The following PRKD1 variants were observed in gnomAD, a reference collection of about 807,000 sequenced individuals.
PRKD1 encodes protein kinase D1.
Under a neutral mutation model 95.9 loss-of-function variants are expected in PRKD1, and 63 were observed. The ratio of observed to expected loss-of-function variants is 0.66; its 90% confidence interval spans 0.54 to 0.81. The LOEUF (loss-of-function observed/expected upper bound fraction) is 0.81, where lower values mean the gene tolerates loss of function less well. Ranked by LOEUF, PRKD1 falls within the 30% of genes least tolerant of loss-of-function variation. The pLI, the probability that PRKD1 is intolerant of heterozygous loss-of-function variation, is 0.00. For missense variants in PRKD1, 1,048 were observed against 1,165.3 expected (o/e 0.90, Z 1.47); for synonymous variants, 425 against 423.1 (o/e 1.00, Z -0.05).
At chr14:29,763,289 A>T (rs7161700) in intron 1 of PRKD1, among the ~76,000 whole-genome samples, 24,785 of 145,794 alleles carry the variant, frequency 0.17, 2,286 homozygotes, top group South Asian at 0.22. Flanking sequence ...AGAGCAAGAT[A>T]CTGTCTCAAA....
In PRKD1 at chr14:29,790,718, T is replaced by C. The variant is rs192296000; in HGVS notation, c.265-65044A>G. On this transcript the variant is annotated intron_variant, in intron 1 of 17. Coordinates refer to ENST00000331968, the MANE Select transcript of PRKD1 (RefSeq NM_002742.3). The stretch of plus-strand genomic sequence containing the variant: ...GCCTTTCTTGCCCATACCATAAAAC[T>C]ATTAGATTATGACGATATTTTATTC... Among the ~76,000 whole-genome samples the C allele has an allele frequency of 2.0e-5, 3 of 152,324 alleles. No homozygotes were observed. In the East Asian group the frequency reaches 5.8e-4, roughly 29 times the overall value.
intron 1 of PRKD1, among the ~76,000 whole-genome samples, chr14:29,837,731 T>C (rs1368168450): frequency 6.6e-6 from 1 of 152,184 alleles, no homozygotes; most frequent in East Asian, 1.9e-4. Context: ...ATGTGAGTAA[T>C]CATAACTAAA....
chr14:29,784,110 A>G (rs1336453059), intron 1 of PRKD1, among the ~76,000 whole-genome samples: 3 of 152,158 alleles, frequency 2.0e-5, no homozygotes, highest in Admixed American at 2.0e-4. Context: ...CAGGTCTTAT[A>G]TTTAAGTCTT....
chr14:29,758,620 C>T (rs1484770588), intron 1 of PRKD1, among the ~76,000 whole-genome samples: 1 of 152,172 alleles, frequency 6.6e-6, no homozygotes, highest in Non-Finnish European at 1.5e-5. Flanking sequence ...GTCAATTCTT[C>T]AATTGAGCTC....
chr14:29,918,007 G>C (rs553947386), intron 1 of PRKD1, among the ~76,000 whole-genome samples: 2 of 151,818 alleles, frequency 1.3e-5, no homozygotes, highest in Admixed American at 6.6e-5. Flanking sequence ...GTCATGGGGG[G>C]GCTGTACAGA....
chr14:29,804,284 A>C (rs1202093807), intron 1 of PRKD1, among the ~76,000 whole-genome samples: 1 of 152,088 alleles, frequency 6.6e-6, no homozygotes, highest in Non-Finnish European at 1.5e-5. Context: ...CAATCTAACA[A>C]CATTGTTATA....
rs75553265 is a variant in PRKD1 at position 29,629,030 on chromosome 14, T to C, written c.1725+11A>G. On this transcript the variant is annotated intron_variant, in intron 11 of 17. Coordinates refer to ENST00000331968, the MANE Select transcript of PRKD1 (RefSeq NM_002742.3). ...CATTAGCAAGTTTTATATTAGTAGG[T>C]ACATACTTACCACATTTTCTTGAAT... The C allele has an allele frequency of 1.6e-5, 25 of 1,580,894 alleles. No individual in the cohort carries two copies. The highest frequency in any genetic ancestry group is 2.1e-5 in the Non-Finnish European group (24 of 1,153,606).
At chr14:29,625,042 A>G (rs1049334292) in intron 12 of PRKD1, among the ~76,000 whole-genome samples, 1 of 152,196 alleles carries the variant, frequency 6.6e-6, no homozygotes, top group Non-Finnish European at 1.5e-5. Context: ...CTAATTACTC[A>G]AACTTTTTGG....
At chr14:29,599,592 G>A in intron 14 of PRKD1, 64 bp downstream of exon 14, 2 of 1,479,910 alleles carry the variant, frequency 1.4e-6, no homozygotes, top group Non-Finnish European at 1.8e-6. Flanking sequence ...GAAAGCTGTA[G>A]TTAAACAGTG....
At chr14:29,784,242 T>C (rs1889171630) in intron 1 of PRKD1, among the ~76,000 whole-genome samples, 1 of 151,556 alleles carries the variant, frequency 6.6e-6, no homozygotes, top group Non-Finnish European at 1.5e-5. Context: ...TTCCCCAGTA[T>C]ATGCTCTTGG....
At chr14:29,625,029 G>A (rs1335908011) in intron 12 of PRKD1, among the ~76,000 whole-genome samples, 1 of 152,074 alleles carries the variant, frequency 6.6e-6, no homozygotes, top group African/African-American at 2.4e-5. Flanking sequence ...ATGGAAAATG[G>A]ATCTAATTAC....
chr14:29,855,974 G>C (rs137946722), intron 1 of PRKD1, among the ~76,000 whole-genome samples: 1 of 152,082 alleles, frequency 6.6e-6, no homozygotes, highest in African/African-American at 2.4e-5. Context: ...CCAGTCCTGC[G>C]TACATCTTTA....
intron 1 of PRKD1, among the ~76,000 whole-genome samples, chr14:29,759,034 AAC>A (rs1310839598): frequency 6.6e-6 from 1 of 152,230 alleles, no homozygotes; most frequent in Non-Finnish European, 1.5e-5. Context: ...ACATTTTAGA[AAC>A]AGTGTCCGTT....
At chr14:29,775,220 C>T (rs915444845) in intron 1 of PRKD1, among the ~76,000 whole-genome samples, 12 of 152,200 alleles carry the variant, frequency 7.9e-5, no homozygotes, top group African/African-American at 1.9e-4. Context: ...CCAGTGTGAG[C>T]GACGCAGAAG....
chr14:29,752,241 T>C (rs1188282828), intron 1 of PRKD1, among the ~76,000 whole-genome samples: 1 of 152,208 alleles, frequency 6.6e-6, no homozygotes, highest in African/African-American at 2.4e-5. Context: ...CTTATATCAA[T>C]AAAATTTATA....
intron 1 of PRKD1, among the ~76,000 whole-genome samples, chr14:29,840,027 C>G (rs1891769328): frequency 2.6e-5 from 4 of 152,088 alleles, no homozygotes; most frequent in Admixed American, 2.6e-4. Context: ...CAGCTCATTA[C>G]TTATGTAAAT....
chr14:29,900,271 G>A (rs1380736016), intron 1 of PRKD1, among the ~76,000 whole-genome samples: 1 of 152,146 alleles, frequency 6.6e-6, no homozygotes, highest in Non-Finnish European at 1.5e-5. Context: ...AATTACCCAA[G>A]GTTAGTCAGA....
intron 1 of PRKD1, among the ~76,000 whole-genome samples, chr14:29,878,275 CT>C (rs1469689420): frequency 3.4e-5 from 5 of 146,642 alleles, no homozygotes; most frequent in Non-Finnish European, 7.4e-5. Flanking sequence ...TATAACCAAG[CT>C]GCACATGTAC....
intron 4 of PRKD1, among the ~76,000 whole-genome samples, chr14:29,662,490 T>C (rs1329411484): frequency 6.6e-6 from 1 of 152,136 alleles, no homozygotes; most frequent in African/African-American, 2.4e-5. Flanking sequence ...GTTCTTCTAG[T>C]TATTGGTGAA....
Sources: gnomAD v4.1 joint callset for allele counts (sites outside exome capture counted in the v4.1 genomes callset) on GRCh38, gnomAD v4.1.1 for gene constraint, MANE v1.5 for transcripts, NCBI Gene and HGNC (gene_info 2026-07-23, HGNC 2026-07-21) for gene names.